Variants in IGF1 observed in about 807,000 individuals in gnomAD.
IGF1 encodes the protein insulin like growth factor 1, also known as insulin-like growth factor 1.
Under a neutral mutation model 13.8 loss-of-function variants are expected in IGF1, and 4 were observed. That is an observed-to-expected ratio of 0.29 (90% confidence interval 0.14 to 0.66). The LOEUF is 0.66. Among genes scored for constraint, IGF1 ranks in the 30% least tolerant of loss-of-function variants. The probability of loss-of-function intolerance (pLI) is 0.78; values close to 1 mark genes in which losing one functional copy is unlikely to be tolerated. For missense variants in IGF1, 124 were observed against 188.5 expected, an observed-to-expected ratio of 0.66 and a Z score of 2.00; for synonymous variants, 76 against 72.6, an observed-to-expected ratio of 1.05 and a Z score of -0.23.
At chr12:102,450,018 C>T (rs974049600) in intron 2 of IGF1, among the ~76,000 whole-genome samples, 1 of 152,066 alleles carries the variant, frequency 6.6e-6, no homozygotes, top group African/African-American at 2.4e-5. Context: ...CGTGAGGTTA[C>T]GAGATGAAGA....
chr12:102,431,952 C>A (rs1426264208), intron 2 of IGF1, among the ~76,000 whole-genome samples: 1 of 152,150 alleles, frequency 6.6e-6, no homozygotes, highest in Non-Finnish European at 1.5e-5. Flanking sequence ...ATGGGGCAGT[C>A]AGCCTTGTTT....
chr12:102,454,879 C>A (rs2137169521), intron 2 of IGF1, among the ~76,000 whole-genome samples: 1 of 152,326 alleles, frequency 6.6e-6, no homozygotes, highest in Middle Eastern at 3.4e-3. Flanking sequence ...CAGGCTCATG[C>A]CTCTATATCA....
At chr12:102,402,905 T>C (rs1873806824) in intron 3 of IGF1, among the ~76,000 whole-genome samples, 1 of 152,244 alleles carries the variant, frequency 6.6e-6, no homozygotes, top group African/African-American at 2.4e-5. Flanking sequence ...CTCTAGATCC[T>C]TTCCTAGTAA....
chr12:102,474,225 A>G (rs1002789065), intron 2 of IGF1, among the ~76,000 whole-genome samples: 1 of 152,210 alleles, frequency 6.6e-6, no homozygotes, highest in Admixed American at 6.5e-5. Context: ...CTATTGGAAA[A>G]TCACTCACCC....
intron 2 of IGF1, among the ~76,000 whole-genome samples, chr12:102,426,492 C>G (rs1273628237): frequency 6.6e-6 from 1 of 152,126 alleles, no homozygotes; most frequent in Non-Finnish European, 1.5e-5. Context: ...AGCAGATGGC[C>G]TTTCTAGATA....
chr12:102,418,112 T>TG, intron 3 of IGF1: 1 of 1,177,726 alleles, frequency 8.5e-7, no homozygotes. Flanking sequence ...ACAGCACTCA[T>TG]GCTGGAGAGG....
At chr12:102,455,229 T>C (rs1268134314) in intron 2 of IGF1, among the ~76,000 whole-genome samples, 1 of 152,236 alleles carries the variant, frequency 6.6e-6, no homozygotes, top group Non-Finnish European at 1.5e-5. Flanking sequence ...GGCTTCTCAA[T>C]AGTTGAATGC....
chr12:102,456,612 C>T (rs1879427653), intron 2 of IGF1, among the ~76,000 whole-genome samples: 2 of 152,124 alleles, frequency 1.3e-5, no homozygotes, highest in Non-Finnish European at 2.9e-5. Flanking sequence ...CAAAAGCCTA[C>T]TTTTTGAAGC....
chr12:102,450,064 C>T (rs1592799948), intron 2 of IGF1, among the ~76,000 whole-genome samples: 1 of 152,082 alleles, frequency 6.6e-6, no homozygotes, highest in African/African-American at 2.4e-5. Context: ...TGGACTCTTC[C>T]GAATGGAGAA....
upstream of IGF1, among the ~76,000 whole-genome samples, chr12:102,481,355 G>C (rs1035612486): frequency 2.3e-4 from 33 of 144,758 alleles, no homozygotes; most frequent in African/African-American, 8.8e-4. Flanking sequence ...ACCTGTGTGT[G>C]TGTGTGTGTG....
At chr12:102,434,417 G>A (rs2137062565) in intron 2 of IGF1, among the ~76,000 whole-genome samples, 1 of 150,774 alleles carries the variant, frequency 6.6e-6, no homozygotes, top group East Asian at 2.0e-4. Context: ...TTCTGTCCCT[G>A]CGATAGTTTA....
At chr12:102,406,238 G>A (rs1462135871) in intron 3 of IGF1, among the ~76,000 whole-genome samples, 3 of 152,230 alleles carry the variant, frequency 2.0e-5, no homozygotes, top group Non-Finnish European at 4.4e-5. Flanking sequence ...GGTCTCAGTT[G>A]CATCTGTTGC....
chr12:102,396,973 C>T lies in IGF1; in HGVS notation c.*5534G>A, dbSNP rs906191639. On this transcript the variant is annotated 3_prime_UTR_variant, in exon 4 of 4. Transcript: ENST00000337514. Reference sequence around the variant, plus strand: ...ATCCCAGCAATTTGGGAGGCTGAGGCGGGCAAATCACAAGGTCAGGAGTTT... The same window carrying T: ...ATCCCAGCAATTTGGGAGGCTGAGGTGGGCAAATCACAAGGTCAGGAGTTT... 6.8e-5 allele frequency: 27 copies of T among 396,548 alleles called. No homozygotes were observed. Among genetic ancestry groups the T allele is most frequent in the Non-Finnish European group, 9.8e-5 (22 of 224,956 alleles). The allele number at this position is 396,548 out of a possible 1,614,324, so 24.6% of individuals were successfully genotyped here. A position where few individuals can be genotyped will look rare whatever the true frequency, so the allele number is the denominator to read the frequency against.
chr12:102,410,032 A>C (rs1437404315), intron 3 of IGF1, among the ~76,000 whole-genome samples: 1 of 152,120 alleles, frequency 6.6e-6, no homozygotes, highest in African/African-American at 2.4e-5. Flanking sequence ...TTTTCTAGTG[A>C]CTGGGGCATC....
rs17880975 is a variant in IGF1 at position 102,458,906 on chromosome 12, C to T, written c.220+16737G>A. Among the ~76,000 whole-genome samples, 960 of 151,944 alleles carry T rather than the reference C, an allele frequency of 6.3e-3. 12 individuals are homozygous for T. The highest frequency in any genetic ancestry group is 0.022 in the African/African-American group (908 of 41,416). On this transcript the variant is annotated intron_variant, in intron 2 of 3. Transcript: ENST00000337514. ...ATAGGTGGTAATAAGTCACATAGGT[C>T]GGATGTTGGAATATGTAGGGGGTCA... is the stretch of plus-strand genomic sequence containing the variant.
chr12:102,449,711 T>C (rs1251055808), intron 2 of IGF1, among the ~76,000 whole-genome samples: 2 of 145,702 alleles, frequency 1.4e-5, no homozygotes, highest in Non-Finnish European at 3.0e-5. Flanking sequence ...TGTGCTGACA[T>C]TCCTCTAGGG....
intron 2 of IGF1, among the ~76,000 whole-genome samples, chr12:102,459,953 C>T (rs564369997): frequency 2.6e-4 from 39 of 152,234 alleles, no homozygotes; most frequent in African/African-American, 5.1e-4. Context: ...TAATATCCAA[C>T]GAGATCTTGC....
chr12:102,473,992 G>T (rs1235419580), intron 2 of IGF1, among the ~76,000 whole-genome samples: 3 of 152,154 alleles, frequency 2.0e-5, no homozygotes, highest in Non-Finnish European at 2.9e-5. Context: ...ACACTTCTAG[G>T]CTTGGCAATT....
rs1478400547 is a variant in IGF1 at position 102,396,354 on chromosome 12, G to C, written c.*6153C>G. On this transcript the variant is annotated 3_prime_UTR_variant, in exon 4 of 4. Transcript: ENST00000337514. ...AGCTGCGTGATATTTGAAAGGTTTT[G>C]ATATTTTGAATAGACATTTTCATGA... is the stretch of plus-strand genomic sequence containing the variant. The C allele has an allele frequency of 1.3e-5, 2 of 152,230 alleles. No individual in the cohort carries two copies. Among genetic ancestry groups the C allele is most frequent in the Non-Finnish European group, 2.9e-5 (2 of 68,074 alleles). 9.4% of individuals were successfully genotyped at this position (152,230 alleles called of 1,614,324 possible).
Sources: allele counts gnomAD v4.1 joint callset (sites outside exome capture counted in the v4.1 genomes callset), GRCh38; gene constraint gnomAD v4.1.1; transcripts MANE v1.5; gene names NCBI Gene and HGNC (gene_info 2026-07-23, HGNC 2026-07-21).